The following ITGA7 variants were observed in gnomAD, a reference collection of about 807,000 sequenced individuals.
The protein encoded by ITGA7 is integrin alpha-7.
In ITGA7, 84 loss-of-function variants were observed where a neutral mutation model predicts 131.6. The observed-to-expected ratio is 0.64, with a 90% CI of 0.54 to 0.77. The LOEUF is 0.77. Among genes scored for constraint, ITGA7 ranks in the 30% least tolerant of loss-of-function variants. The pLI is 0.00. For missense variants in ITGA7, 1,399 were observed against 1,482.9 expected, an observed-to-expected ratio of 0.94 and a Z score of 0.93; for synonymous variants, 548 against 600.7, an observed-to-expected ratio of 0.91 and a Z score of 1.28.
At position 55,696,421 on chromosome 12, in the gene ITGA7, T is replaced by C; in HGVS notation, c.1749A>G (p.Lys583=). 1.9e-6 allele frequency: 3 copies of C among 1,599,998 alleles called. No individual in the cohort carries two copies. Among genetic ancestry groups the C allele is most frequent in the Non-Finnish European group, 2.6e-6 (3 of 1,172,014 alleles). Reference sequence around the variant, plus strand: ...TCACTACAATGGCCCGAAGCTTGTCTTTGACATTTTCCTAGGAAGAGGAAG... The same window carrying C: ...TCACTACAATGGCCCGAAGCTTGTCCTTGACATTTTCCTAGGAAGAGGAAG... ...DAMFQLQENV[K]DKLRAIVVTL... is the part of the protein sequence containing the mutation. Residue 583 remains lysine (K), a synonymous_variant, in exon 13 of 25, where the codon AAA becomes AAG. Coordinates refer to ENST00000257879, the MANE Select transcript of ITGA7 (RefSeq NM_002206.3).
At position 55,697,033 on chromosome 12, in the gene ITGA7, T is replaced by C; in HGVS notation, c.1603A>G (p.Arg535Gly). ...DYVLDADTDR[R>G]LRGQVPRVTF... ...ACACGGGGAACCTGGCCCCGGAGCC[T>C]CCGGTCTGTGTCCGCATCTAACACA... Residue 535 changes from arginine to glycine, a missense_variant, in exon 12 of 25, where the codon AGG becomes GGG. Transcript: ENST00000257879. The C allele has an allele frequency of 1.9e-6, 3 of 1,614,032 alleles. No individual in the cohort carries two copies. The highest frequency in any genetic ancestry group is 2.5e-6 in the Non-Finnish European group (3 of 1,179,998).
intron 1 of ITGA7, among the ~76,000 whole-genome samples, chr12:55,704,769 G>C (rs1565641497): frequency 6.6e-6 from 1 of 152,200 alleles, no homozygotes; most frequent in Non-Finnish European, 1.5e-5. Context: ...ACTCCACCCA[G>C]TGACTGACCT....
Position 55,700,966 on chromosome 12 carries a change from T to G in ITGA7, c.603A>C (p.Thr201=), listed in dbSNP as rs1397969430. The part of the protein sequence containing the change: ...HEQFGFCQQG[T]AAAFSPDSHY... Reference sequence around the variant, plus strand: ...GGCTATCAGGGGAGAAGGCGGCAGCTGTGCCCTGCTGGCAGAACCCAAATT... The same window carrying G: ...GGCTATCAGGGGAGAAGGCGGCAGCGGTGCCCTGCTGGCAGAACCCAAATT... Residue 201 remains threonine (T), a synonymous_variant, in exon 4 of 25, where the codon ACA becomes ACC. Transcript: ENST00000257879. 1 of 1,614,244 alleles carries G rather than the reference T, an allele frequency of 6.2e-7. No homozygotes were observed. The highest frequency in any genetic ancestry group is 1.1e-5 in the South Asian group (1 of 91,086).
chr12:55,703,532 C>A (rs565076657), intron 1 of ITGA7, among the ~76,000 whole-genome samples: 1 of 152,252 alleles, frequency 6.6e-6, no homozygotes, highest in Non-Finnish European at 1.5e-5. Context: ...CCTTCCCTAT[C>A]CCCTCCTTGG....
intron 19 of ITGA7, among the ~76,000 whole-genome samples, chr12:55,693,545 G>A (rs1244869423): frequency 6.6e-6 from 1 of 151,868 alleles, no homozygotes; most frequent in Non-Finnish European, 1.5e-5. Flanking sequence ...AGAGATGGAA[G>A]GAACAAGGGC....
At chr12:55,714,776 GTATACATACATA>G (rs1405329474), upstream of ITGA7, among the ~76,000 whole-genome samples, 2 of 149,040 alleles carry the variant, frequency 1.3e-5, no homozygotes, top group African/African-American at 2.5e-5. Flanking sequence ...ACATATATAC[GTATACATACATA>G]TATACATACA....
Position 55,697,078 on chromosome 12 carries a change from GT to G in ITGA7, c.1568-11del, listed in dbSNP as rs1872775029. On this transcript the variant is annotated splice_polypyrimidine_tract_variant and intron_variant, in intron 11 of 24. Transcript: ENST00000257879. ...AACACATAGTCCAGGGCTGTGGCATGTTGGGAAAGGAGGAGCTGCTGAGCTG... is the reference window on the plus strand; with the variant it reads ...AACACATAGTCCAGGGCTGTGGCATGTGGGAAAGGAGGAGCTGCTGAGCTG... The G allele has an allele frequency of 6.2e-7, 1 of 1,612,716 alleles. No individual in the cohort carries two copies. The highest frequency in any genetic ancestry group is 8.5e-7 in the Non-Finnish European group (1 of 1,179,396).
intron 4 of ITGA7, 105 bp from the exon 5 acceptor site, chr12:55,700,094 A>C: frequency 6.8e-7 from 1 of 1,471,186 alleles, no homozygotes; most frequent in Non-Finnish European, 9.4e-7. Flanking sequence ...GAAGAAGAAG[A>C]GGTGGAGAGA....
chr12:55,714,738 A>C (rs1876385764), upstream of ITGA7, among the ~76,000 whole-genome samples: 1 of 150,010 alleles, frequency 6.7e-6, no homozygotes, highest in African/African-American at 2.5e-5. Context: ...ACATATATAC[A>C]CATATATACG....
At chr12:55,700,511 A>T (rs892142234) in intron 4 of ITGA7, 6 of 1,262,008 alleles carry the variant, frequency 4.8e-6, no homozygotes, top group Non-Finnish European at 6.6e-6. Context: ...CCCTCTCCCC[A>T]CCCTGTCCCC....
At chr12:55,685,540 C>A (rs113702081) in intron 24 of ITGA7, among the ~76,000 whole-genome samples, 351 of 152,214 alleles carry the variant, frequency 2.3e-3, no homozygotes, top group African/African-American at 8.2e-3. Flanking sequence ...CTCCCTTGGC[C>A]CCTGAAAGAG....
Position 55,693,287 on chromosome 12 carries a change from G to A in ITGA7, c.2566C>T (p.Leu856=), listed in dbSNP as rs775932133. The change falls in exon 20 of 25, where the codon CTG becomes TTG. Residue 856 remains leucine (L), a synonymous_variant. Coordinates refer to ENST00000257879, the MANE Select transcript of ITGA7 (RefSeq NM_002206.3). ...ATGATGTTGAGGAAGGCAGAGCCCA[G>A]GGTTCTGAGCGACTGGCCTTGGTTG... is the stretch of plus-strand genomic sequence containing the variant. ...VSNQGQSLRT[L]GSAFLNIMWP... The A allele has an allele frequency of 1.2e-6, 2 of 1,614,086 alleles. No homozygotes were observed. Among genetic ancestry groups the A allele is most frequent in the Non-Finnish European group, 1.7e-6 (2 of 1,180,016 alleles).
At chr12:55,704,180 G>A (rs1336014946) in intron 1 of ITGA7, among the ~76,000 whole-genome samples, 3 of 152,168 alleles carry the variant, frequency 2.0e-5, no homozygotes, top group Non-Finnish European at 2.9e-5. Flanking sequence ...AAACCTCAAC[G>A]CCTCTCTCCC....
At position 55,697,837 on chromosome 12, in the gene ITGA7, G is replaced by A; in HGVS notation, c.1282-15C>T. On this transcript the variant is annotated splice_polypyrimidine_tract_variant and intron_variant, in intron 8 of 24. Coordinates refer to ENST00000257879, the MANE Select transcript of ITGA7 (RefSeq NM_002206.3). ...CCCTCCAGCACCTAGAGAACCAGCT[G>A]TCAGCCTCCCTCAATCCCACCTCCC... 6.2e-7 allele frequency: 1 copy of A among 1,614,098 alleles called. No homozygotes were observed. The highest frequency in any genetic ancestry group is 8.5e-7 in the Non-Finnish European group (1 of 1,179,998).
chr12:55,697,727 C>T lies in ITGA7; in HGVS notation c.1377G>A (p.Val459=). 6.2e-7 allele frequency: 1 copy of T among 1,614,128 alleles called. No individual in the cohort carries two copies. The highest frequency in any genetic ancestry group is 8.5e-7 in the Non-Finnish European group (1 of 1,180,004). The change falls in exon 9 of 25, where the codon GTG becomes GTA. Residue 459 remains valine (V), a synonymous_variant. Coordinates refer to ENST00000257879, the MANE Select transcript of ITGA7 (RefSeq NM_002206.3). ...MDGNQYPDLL[V]GSLADTAVLF... is the part of the protein sequence containing the mutation. The stretch of plus-strand genomic sequence containing the variant: ...GCACTGCGGTGTCAGCCAGGGAGCC[C>T]ACCAGCAGGTCAGGGTATTGGTTCC...
At chr12:55,701,535 C>A in intron 3 of ITGA7, 1 of 927,670 alleles carries the variant, frequency 1.1e-6, no homozygotes. Flanking sequence ...TAAGTGTCAC[C>A]ATCTCATCTG....
upstream of ITGA7, among the ~76,000 whole-genome samples, chr12:55,708,460 A>G (rs2136108003): frequency 6.6e-6 from 1 of 151,642 alleles, no homozygotes; most frequent in East Asian, 1.9e-4. Context: ...CAGCAGTGCT[A>G]GCCACATCGT....
At chr12:55,701,359 A>T (rs753930097) in intron 3 of ITGA7, 2 of 1,553,496 alleles carry the variant, frequency 1.3e-6, no homozygotes, top group Non-Finnish European at 1.7e-6. Flanking sequence ...TGCATAACCC[A>T]GCAACCTGTC....
chr12:55,711,485 A>G (rs1876109896), upstream of ITGA7, among the ~76,000 whole-genome samples: 1 of 151,928 alleles, frequency 6.6e-6, no homozygotes, highest in African/African-American at 2.4e-5. Flanking sequence ...CTCAAAAAAA[A>G]AAAAAAATTT....
Sources: gnomAD v4.1 joint callset for allele counts (sites outside exome capture counted in the v4.1 genomes callset) on GRCh38, gnomAD v4.1.1 for gene constraint, MANE v1.5 for transcripts, NCBI Gene and HGNC (gene_info 2026-07-23, HGNC 2026-07-21) for gene names.